ADGRV1: variants seen among roughly 807,000 people sequenced by gnomAD.
ADGRV1 encodes the protein adhesion G protein-coupled receptor V1.
A neutral mutation model predicts 596.2 loss-of-function variants in ADGRV1; 359 were observed. That is an observed-to-expected ratio of 0.60 (90% CI 0.55 to 0.66). The LOEUF (loss-of-function observed/expected upper bound fraction) is 0.66, where lower values mean the gene tolerates loss of function less well. Among genes scored for constraint, ADGRV1 ranks in the 30% least tolerant of loss-of-function variants. The pLI, the probability that ADGRV1 is intolerant of heterozygous loss-of-function variation, is 0.00. For missense variants in ADGRV1, 7,274 were observed against 7,575.6 expected (o/e 0.96, Z 1.48); for synonymous variants, 2,681 against 2,679.2 (o/e 1.00, Z -0.02).
intron 83 of ADGRV1, among the ~76,000 whole-genome samples, chr5:90,880,388 A>G (rs1769646300): frequency 6.6e-6 from 1 of 152,228 alleles, no homozygotes; most frequent in South Asian, 2.1e-4. Flanking sequence ...GATAGATGGA[A>G]TTTGAACAAT....
At chr5:90,738,397 C>T (rs1753526540) in intron 50 of ADGRV1, among the ~76,000 whole-genome samples, 2 of 151,802 alleles carry the variant, frequency 1.3e-5, no homozygotes, top group African/African-American at 4.8e-5. Context: ...TTACTTATAC[C>T]ATTCAGTTTT....
intron 21 of ADGRV1, among the ~76,000 whole-genome samples, chr5:90,664,423 T>G (rs1770935772): frequency 6.6e-6 from 1 of 152,042 alleles, no homozygotes; most frequent in African/African-American, 2.4e-5. Context: ...TTGCCTGTTG[T>G]TGGTGTATAA....
rs192844664 is a variant in ADGRV1, at chr5:90,677,945, A to G, written c.5444-1604A>G. Among the ~76,000 whole-genome samples, 6 of 152,350 alleles carry G rather than the reference A, an allele frequency of 3.9e-5. No homozygotes were observed. In the East Asian group the frequency reaches 9.6e-4, roughly 24 times the overall value. On this transcript the variant is annotated intron_variant, in intron 25 of 89. Transcript: ENST00000405460. ...AGGACTTATTTCATGCTTTTTGACT[A>G]TAAAACTGATGAAACTGATGATTCT...
At chr5:90,907,579 A>G (rs1252489425) in intron 83 of ADGRV1, among the ~76,000 whole-genome samples, 1 of 151,906 alleles carries the variant, frequency 6.6e-6, no homozygotes, top group African/African-American at 2.4e-5. Context: ...GGATTCCGCA[A>G]TCCAAATTTT....
rs1011640045 is a variant in ADGRV1 at position 90,643,765 on chromosome 5, A to G, written c.2554-38A>G. 12 of 1,468,558 alleles carry G rather than the reference A, an allele frequency of 8.2e-6. No individual in the cohort carries two copies. In the Admixed American group the frequency reaches 2.7e-4, roughly 33 times the overall value. The allele number at this position is 1,468,558 out of a possible 1,614,324, so 91.0% of individuals were successfully genotyped here. On this transcript the variant is annotated intron_variant, in intron 13 of 89. Coordinates refer to ENST00000405460, the MANE Select transcript of ADGRV1 (RefSeq NM_032119.4). ...GTTTTTAAATTTGTTGTGAAAAGTC[A>G]ACTTTATAATTTCCATACTTTGACA...
intron 27 of ADGRV1, 37 bp downstream of exon 27, chr5:90,681,491 C>A: frequency 5.1e-6 from 8 of 1,581,416 alleles, no homozygotes; most frequent in African/African-American, 1.3e-5. Flanking sequence ...TAGACACTTT[C>A]TGTTGTTTTA....
At chr5:90,678,938 C>T (rs545418072) in intron 25 of ADGRV1, among the ~76,000 whole-genome samples, 28 of 152,192 alleles carry the variant, frequency 1.8e-4, no homozygotes, top group African/African-American at 6.7e-4. Context: ...AACTGAGATA[C>T]CAAGAAGTTT....
chr5:91,026,724 G>A (rs1045201698), intron 85 of ADGRV1, among the ~76,000 whole-genome samples: 2 of 152,102 alleles, frequency 1.3e-5, no homozygotes, highest in Non-Finnish European at 2.9e-5. Flanking sequence ...GTAACACTGA[G>A]GGCCTCAGTT....
chr5:90,850,145 C>T (rs890992107), intron 79 of ADGRV1, among the ~76,000 whole-genome samples: 2 of 152,180 alleles, frequency 1.3e-5, no homozygotes, highest in Admixed American at 6.5e-5. Context: ...TAGATTGTAA[C>T]CACCTACTTC....
intron 77 of ADGRV1, among the ~76,000 whole-genome samples, chr5:90,836,703 CA>C (rs1231312898): frequency 6.6e-6 from 1 of 152,116 alleles, no homozygotes; most frequent in Non-Finnish European, 1.5e-5. Context: ...TACAGTCATG[CA>C]AAATGTTACT....
intron 34 of ADGRV1, among the ~76,000 whole-genome samples, chr5:90,700,846 A>G (rs959952310): frequency 5.3e-5 from 8 of 152,134 alleles, no homozygotes; most frequent in Non-Finnish European, 1.0e-4. Flanking sequence ...TTTGGATAGT[A>G]TATGTATGTC....
rs794727892 is a variant in ADGRV1 at position 90,840,777 on chromosome 5, G to A, written c.16811G>A (p.Gly5604Asp). ...CAGATTGTCCTTTTTGACCCAAAAG[G>A]TGGTGCCAGAATTGATAAAGTGTAT... Reference protein sequence around the residue: ...RFQIVLFDPKGGARIDKVYGT... With the variant: ...RFQIVLFDPKDGARIDKVYGT... The change falls in exon 78 of 90, where the codon GGT becomes GAT. Residue 5604 changes from glycine to aspartate, a missense_variant. Gly to Asp is a moderately conservative substitution (Grantham distance 94). Transcript: ENST00000405460. The A allele has an allele frequency of 1.2e-6, 2 of 1,613,942 alleles. No individual in the cohort carries two copies. The highest frequency in any genetic ancestry group is 1.7e-6 in the Non-Finnish European group (2 of 1,179,876).
chr5:90,869,765 A>G (rs1768486334), intron 83 of ADGRV1, among the ~76,000 whole-genome samples: 1 of 152,196 alleles, frequency 6.6e-6, no homozygotes, highest in Non-Finnish European at 1.5e-5. Flanking sequence ...GGAGGTAGAG[A>G]TTATGAGGTA....
chr5:91,104,352 C>G (rs967609461), intron 87 of ADGRV1, among the ~76,000 whole-genome samples: 1 of 152,056 alleles, frequency 6.6e-6, no homozygotes, highest in Admixed American at 6.6e-5. Context: ...TACATAGTGA[C>G]GTATTGATAC....
At chr5:90,830,319 T>G (rs1257601421) in intron 77 of ADGRV1, among the ~76,000 whole-genome samples, 7 of 152,118 alleles carry the variant, frequency 4.6e-5, no homozygotes, top group Non-Finnish European at 1.0e-4. Context: ...GTATGTTGAT[T>G]TACAGTAGGA....
chr5:90,772,566 G>C (rs1757804474), intron 59 of ADGRV1, among the ~76,000 whole-genome samples: 1 of 152,154 alleles, frequency 6.6e-6, no homozygotes, highest in Non-Finnish European at 1.5e-5. Flanking sequence ...TATTAAACAT[G>C]AGAAATGTAT....
intron 1 of ADGRV1, chr5:90,614,186 G>A (rs1763062180): frequency 5.5e-6 from 2 of 362,158 alleles, no homozygotes; most frequent in Non-Finnish European, 1.0e-5. Context: ...AGTTGTCATG[G>A]AAAAAAAGGA....
intron 50 of ADGRV1, among the ~76,000 whole-genome samples, chr5:90,731,064 A>G (rs554517872): frequency 2.0e-5 from 3 of 152,348 alleles, no homozygotes; most frequent in East Asian, 1.9e-4. Flanking sequence ...GTACAGGACT[A>G]TATTAGTCCA....
intron 88 of ADGRV1, 25 bp from the exon 89 acceptor site, chr5:91,153,196 T>C: frequency 6.3e-7 from 1 of 1,581,692 alleles, no homozygotes; most frequent in Non-Finnish European, 8.6e-7. Flanking sequence ...ATGGTTTCTT[T>C]TTCCCCCCAT....
Sources: gnomAD v4.1 joint callset for allele counts (sites outside exome capture counted in the v4.1 genomes callset) on GRCh38, gnomAD v4.1.1 for gene constraint, MANE v1.5 for transcripts, NCBI Gene and HGNC (gene_info 2026-07-23, HGNC 2026-07-21) for gene names.